The following FOXN3 variants were observed in gnomAD, a reference collection of about 807,000 sequenced individuals.
The protein encoded by FOXN3 is forkhead box N3.
A neutral mutation model predicts 38.4 loss-of-function variants in FOXN3; 7 were observed. That is an observed-to-expected ratio of 0.18 (90% CI 0.10 to 0.34). The LOEUF is 0.34. Ranked by LOEUF, FOXN3 falls within the 10% of genes least tolerant of loss-of-function variation. The pLI, the probability that FOXN3 is intolerant of heterozygous loss-of-function variation, is 1.00. For missense variants in FOXN3, 456 were observed against 613.4 expected, an observed-to-expected ratio of 0.74 and a Z score of 2.71; for synonymous variants, 230 against 242.2, an observed-to-expected ratio of 0.95 and a Z score of 0.47.
chr14:89,162,852 G>C lies in FOXN3; in HGVS notation c.969C>G (p.Ala323=), dbSNP rs1159475108. The change falls in exon 6 of 6, where the codon GCC becomes GCG. Residue 323 remains alanine, a synonymous_variant. Transcript: ENST00000557258. The surrounding 1 kb of genome is among the most constrained non-coding windows in gnomAD (Gnocchi z 7.2). The part of the protein sequence containing the change: ...HNYSSAKSSN[A]RSTSPTSDSI... The stretch of plus-strand genomic sequence containing the variant: ...AGTCGCTGGTGGGCGAGGTGCTCCG[G>C]GCGTTGGAGGACTTGGCACTGCTGT... The C allele has an allele frequency of 6.2e-7, 1 of 1,611,654 alleles. No homozygotes were observed. The highest frequency in any genetic ancestry group is 8.5e-7 in the Non-Finnish European group (1 of 1,179,946).
chr14:89,199,880 G>T (rs1216938997), intron 4 of FOXN3, among the ~76,000 whole-genome samples: 1 of 151,914 alleles, frequency 6.6e-6, no homozygotes, highest in African/African-American at 2.4e-5. Context: ...CTCAAGCCTG[G>T]GCGACACAGC....
chr14:89,572,866 C>T (rs1168474703), intron 1 of FOXN3, among the ~76,000 whole-genome samples: 1 of 152,216 alleles, frequency 6.6e-6, no homozygotes, highest in Non-Finnish European at 1.5e-5. Context: ...CCCAGCTTGG[C>T]CTTCCATGCC....
intron 4 of FOXN3, among the ~76,000 whole-genome samples, chr14:89,233,213 G>A (rs1175222017): frequency 6.6e-6 from 1 of 152,100 alleles, no homozygotes; most frequent in African/African-American, 2.4e-5. Context: ...GAACCTACCC[G>A]GCATCCCACT....
intron 4 of FOXN3, among the ~76,000 whole-genome samples, chr14:89,222,738 A>C (rs1471777774): frequency 6.6e-6 from 1 of 152,134 alleles, no homozygotes; most frequent in Non-Finnish European, 1.5e-5. Flanking sequence ...GACACAATTG[A>C]TGGTTTCTTT....
chr14:89,309,906 C>T (rs1159518374), intron 3 of FOXN3, among the ~76,000 whole-genome samples: 1 of 152,202 alleles, frequency 6.6e-6, no homozygotes, highest in Admixed American at 6.5e-5. Flanking sequence ...CTTAAGTCAC[C>T]AAGACTGGGC....
chr14:89,510,322 T>A (rs980096827), intron 1 of FOXN3, among the ~76,000 whole-genome samples: 24 of 152,178 alleles, frequency 1.6e-4, no homozygotes, highest in Admixed American at 6.5e-4. Flanking sequence ...TGAGAACAGC[T>A]TCAGTTCCAA....
At chr14:89,294,509 G>T (rs1185517783) in intron 3 of FOXN3, among the ~76,000 whole-genome samples, 2 of 152,198 alleles carry the variant, frequency 1.3e-5, no homozygotes, top group African/African-American at 4.8e-5. Context: ...ATGAGGCTGA[G>T]ACCTACTGGG....
chr14:89,511,236 C>CCTTTTCTTT lies in FOXN3; in HGVS notation c.-14-98755_-14-98747dup, dbSNP rs1325083103. 3.8e-4 allele frequency among the ~76,000 whole-genome samples: 4 copies of CCTTTTCTTT among 10,390 alleles called. 2 individuals carry two copies. The highest frequency in any genetic ancestry group is 2.3e-3 in the Non-Finnish European group (4 of 1,744). The allele number at this position is 10,390 out of a possible 152,430, so 6.8% of individuals were successfully genotyped here. Reference sequence around the variant, plus strand: ...CTTTCTTTCTTTCTTTCTTTTCTTTCCTTTTCTTTCTTTTCTTTCTTTCTT... The same window carrying CCTTTTCTTT: ...CTTTCTTTCTTTCTTTCTTTTCTTTCCTTTTCTTTCTTTTCTTTCTTTTCTTTCTTTCTT... On this transcript the variant is annotated intron_variant, in intron 1 of 6. Transcript: ENST00000345097.
chr14:89,316,360 G>C (rs1343445010), intron 3 of FOXN3, among the ~76,000 whole-genome samples: 1 of 147,938 alleles, frequency 6.8e-6, no homozygotes, highest in East Asian at 2.0e-4. Context: ...CAGAACTGCT[G>C]AGCAAACAAT....
At chr14:89,404,976 T>C (rs367839083) in intron 2 of FOXN3, among the ~76,000 whole-genome samples, 17 of 152,132 alleles carry the variant, frequency 1.1e-4, no homozygotes, top group Admixed American at 5.9e-4. Context: ...AGTCATCTCT[T>C]CCTCCTAAAA....
chr14:89,285,536 AG>A (rs1185587239), intron 3 of FOXN3, among the ~76,000 whole-genome samples: 8,644 of 146,898 alleles, frequency 0.059, 802 homozygotes, highest in African/African-American at 0.2. Context: ...AAAAAAAAAA[AG>A]AGAGAGAGAA....
intron 1 of FOXN3, among the ~76,000 whole-genome samples, chr14:89,593,541 A>G (rs980762269): frequency 6.6e-6 from 1 of 152,234 alleles, no homozygotes; most frequent in African/African-American, 2.4e-5. Flanking sequence ...CAGAATGTCA[A>G]TTCAAGGGAA....
At chr14:89,487,066 G>A (rs1893460945) in intron 1 of FOXN3, among the ~76,000 whole-genome samples, 1 of 152,098 alleles carries the variant, frequency 6.6e-6, no homozygotes, top group Non-Finnish European at 1.5e-5. Flanking sequence ...TCCACCCCAC[G>A]GACCAGCCTT....
At chr14:89,556,296 G>A (rs547436855) in intron 1 of FOXN3, among the ~76,000 whole-genome samples, 6 of 152,022 alleles carry the variant, frequency 3.9e-5, no homozygotes, top group Non-Finnish European at 7.4e-5. Flanking sequence ...CCACCTACTC[G>A]GGAGGCTGAG....
At chr14:89,296,640 A>T (rs1887048332) in intron 3 of FOXN3, among the ~76,000 whole-genome samples, 1 of 152,122 alleles carries the variant, frequency 6.6e-6, no homozygotes, top group Non-Finnish European at 1.5e-5. Context: ...CCCCAGGGAT[A>T]AACTCAACAT....
chr14:89,281,286 T>G (rs147587252), intron 3 of FOXN3, among the ~76,000 whole-genome samples: 3 of 152,304 alleles, frequency 2.0e-5, no homozygotes, highest in African/African-American at 4.8e-5. Flanking sequence ...AATGGCAAAT[T>G]CACATGGTTT....
intron 1 of FOXN3, among the ~76,000 whole-genome samples, chr14:89,525,787 C>T (rs1231933075): frequency 6.6e-6 from 1 of 152,042 alleles, no homozygotes; most frequent in Non-Finnish European, 1.5e-5. Flanking sequence ...TCCAGGATCG[C>T]ATCAATACCA....
chr14:89,488,912 G>C (rs1182436202), intron 1 of FOXN3, among the ~76,000 whole-genome samples: 6 of 152,132 alleles, frequency 3.9e-5, no homozygotes, highest in Non-Finnish European at 8.8e-5. Context: ...GTATGACTTA[G>C]TCACCAAAAC....
At chr14:89,344,351 G>A (rs925864944) in intron 3 of FOXN3, among the ~76,000 whole-genome samples, 10 of 151,250 alleles carry the variant, frequency 6.6e-5, no homozygotes, top group African/African-American at 1.7e-4. Flanking sequence ...CCAAAGGTAC[G>A]TAGGATGCTG....
Sources: allele counts gnomAD v4.1 joint callset (sites outside exome capture counted in the v4.1 genomes callset), GRCh38; gene constraint gnomAD v4.1.1; non-coding constraint Gnocchi (gnomAD v3.1); transcripts MANE v1.5; gene names NCBI Gene and HGNC (gene_info 2026-07-23, HGNC 2026-07-21).